ERBB4: variants seen among roughly 807,000 people sequenced by gnomAD.
The protein encoded by ERBB4 is receptor tyrosine-protein kinase erbB-4.
Under a neutral mutation model 158.0 loss-of-function variants are expected in ERBB4, and 42 were observed. The observed-to-expected ratio is 0.27, with a 90% CI of 0.21 to 0.34. The LOEUF (loss-of-function observed/expected upper bound fraction) is 0.34, where lower values mean the gene tolerates loss of function less well. Among genes scored for constraint, ERBB4 ranks in the 10% least tolerant of loss-of-function variants. The pLI is 1.00. For missense variants in ERBB4, 1,333 were observed against 1,624.1 expected, an observed-to-expected ratio of 0.82 and a Z score of 3.08; for synonymous variants, 583 against 558.7, an observed-to-expected ratio of 1.04 and a Z score of -0.61.
At chr2:212,094,028 C>A (rs78022675) in intron 2 of ERBB4, among the ~76,000 whole-genome samples, 3,285 of 151,854 alleles carry the variant, frequency 0.022, 130 homozygotes, top group African/African-American at 0.076. Flanking sequence ...GGTTCAATTA[C>A]AAATCAGCAG....
rs1259228471 is a variant in ERBB4, at chr2:212,003,144, GGAAGGAAAGAAAGAAA to G, written c.235-55544_235-55529del. On this transcript the variant is annotated intron_variant, in intron 2 of 27. Transcript: ENST00000342788. ...AGGAAGGAAGGAAGGAAGGAAGGAA[GGAAGGAAAGAAAGAAA>G]GAAAGAAAGAAAGAAAGAAAGAAAG... 1.1e-3 allele frequency among the ~76,000 whole-genome samples: 14 copies of G among 12,602 alleles called. 1 individual carries two copies. The highest frequency in any genetic ancestry group is 2.7e-3 in the African/African-American group (14 of 5,098). 8.3% of individuals were successfully genotyped at this position (12,602 alleles called of 152,430 possible).
intron 1 of ERBB4, among the ~76,000 whole-genome samples, chr2:212,238,808 T>G (rs2083976378): frequency 1.3e-5 from 2 of 152,114 alleles, no homozygotes. Context: ...CAATTTTTTT[T>G]TTGTTTTTGT....
intron 4 of ERBB4, among the ~76,000 whole-genome samples, chr2:211,784,887 G>C (rs987728271): frequency 3.3e-5 from 5 of 151,996 alleles, no homozygotes; most frequent in Admixed American, 1.3e-4. Flanking sequence ...TTATATGCTT[G>C]TTGGCCCTTT....
intron 1 of ERBB4, among the ~76,000 whole-genome samples, chr2:212,188,950 C>T (rs1381651946): frequency 4.0e-5 from 6 of 151,680 alleles, no homozygotes; most frequent in African/African-American, 9.7e-5. Context: ...AATATATAAA[C>T]AGGTTATTTT....
At chr2:211,480,969 A>G (rs1559210757) in intron 20 of ERBB4, among the ~76,000 whole-genome samples, 1 of 152,200 alleles carries the variant, frequency 6.6e-6, no homozygotes, top group South Asian at 2.1e-4. Flanking sequence ...TGCCATTTCT[A>G]TTATTCAATC....
intron 2 of ERBB4, among the ~76,000 whole-genome samples, chr2:212,025,836 C>T (rs972148705): frequency 6.6e-6 from 1 of 151,646 alleles, no homozygotes; most frequent in African/African-American, 2.4e-5. Flanking sequence ...TCAGTCAAAA[C>T]ATAATTACAC....
chr2:212,371,559 G>T (rs1238473018), intron 1 of ERBB4, among the ~76,000 whole-genome samples: 4 of 152,172 alleles, frequency 2.6e-5, no homozygotes, highest in Non-Finnish European at 5.9e-5. Context: ...TATTTAGGAA[G>T]ACTTTCCTAT....
chr2:211,951,710 A>G (rs997236126), intron 2 of ERBB4, among the ~76,000 whole-genome samples: 8 of 152,250 alleles, frequency 5.3e-5, no homozygotes, highest in Admixed American at 4.6e-4. Flanking sequence ...ATTTGCTGTT[A>G]TAACTGAGGT....
chr2:211,741,418 G>C (rs982559902), intron 5 of ERBB4, among the ~76,000 whole-genome samples: 26 of 147,524 alleles, frequency 1.8e-4, no homozygotes, highest in African/African-American at 6.5e-4. Flanking sequence ...ATCTATATCT[G>C]TATCTGTATA....
chr2:211,755,306 A>T (rs931232995), intron 4 of ERBB4, among the ~76,000 whole-genome samples: 2 of 152,164 alleles, frequency 1.3e-5, no homozygotes, highest in Admixed American at 1.3e-4. Flanking sequence ...GTTCCAAACC[A>T]GCTTGGGCAA....
At chr2:211,846,691 A>G (rs2077597466) in intron 3 of ERBB4, among the ~76,000 whole-genome samples, 1 of 152,136 alleles carries the variant, frequency 6.6e-6, no homozygotes, top group East Asian at 1.9e-4. Flanking sequence ...ATCCTCCTAC[A>G]CACCTCCTCA....
chr2:212,278,772 G>A (rs1249398662), intron 1 of ERBB4, among the ~76,000 whole-genome samples: 1 of 151,514 alleles, frequency 6.6e-6, no homozygotes, highest in African/African-American at 2.4e-5. Context: ...TTAATAAAAT[G>A]AATATATAGA....
intron 16 of ERBB4, among the ~76,000 whole-genome samples, chr2:211,654,635 G>A (rs1162162090): frequency 6.6e-6 from 1 of 152,164 alleles, no homozygotes; most frequent in Non-Finnish European, 1.5e-5. Context: ...AACATAAGCT[G>A]TATGCTGGCT....
intron 1 of ERBB4, among the ~76,000 whole-genome samples, chr2:212,384,890 A>AGAAT (rs1491414919): frequency 8.1e-6 from 1 of 123,188 alleles, no homozygotes; most frequent in Non-Finnish European, 1.7e-5. Flanking sequence ...ATGTTTGTGG[A>AGAAT]ATATATATAT....
At chr2:211,531,670 C>T (rs1312499785) in intron 20 of ERBB4, among the ~76,000 whole-genome samples, 2 of 151,862 alleles carry the variant, frequency 1.3e-5, no homozygotes, top group Admixed American at 1.3e-4. Flanking sequence ...CAAATGCTGG[C>T]GAGGATGTGG....
chr2:212,222,325 C>T (rs1349984133), intron 1 of ERBB4, among the ~76,000 whole-genome samples: 3 of 151,418 alleles, frequency 2.0e-5, no homozygotes, highest in African/African-American at 7.3e-5. Flanking sequence ...ATTCTGCTTC[C>T]TTAAAAGCTC....
chr2:211,673,337 C>A, intron 13 of ERBB4, 80 bp from the exon 14 acceptor site: 3 of 974,000 alleles, frequency 3.1e-6, no homozygotes, highest in East Asian at 2.4e-5. Flanking sequence ...TGCTAAAAGT[C>A]CTATTGGCAG....
At chr2:211,703,113 GT>G (rs1217677403) in intron 11 of ERBB4, among the ~76,000 whole-genome samples, 1 of 151,622 alleles carries the variant, frequency 6.6e-6, no homozygotes, top group Non-Finnish European at 1.5e-5. Context: ...TTCCATGGTT[GT>G]CAGGGTGTGT....
chr2:212,505,430 C>A (rs1053750074), intron 1 of ERBB4, among the ~76,000 whole-genome samples: 2 of 124,160 alleles, frequency 1.6e-5, no homozygotes, highest in Non-Finnish European at 4.1e-5. Flanking sequence ...GAGTATTAAA[C>A]ATCAAGTGAG....
Sources: allele counts gnomAD v4.1 joint callset (sites outside exome capture counted in the v4.1 genomes callset), GRCh38; gene constraint gnomAD v4.1.1; transcripts MANE v1.5; gene names NCBI Gene and HGNC (gene_info 2026-07-23, HGNC 2026-07-21).